The following GLP2R variants were observed in gnomAD, a reference collection of about 807,000 sequenced individuals.
The protein encoded by GLP2R is glucagon like peptide 2 receptor, also known as glucagon-like peptide 2 receptor.
Under a neutral mutation model 68.2 loss-of-function variants are expected in GLP2R, and 59 were observed. That is an observed-to-expected ratio of 0.87 (90% CI 0.70 to 1.07). GLP2R has a LOEUF of 1.07. GLP2R is among the 50% of genes least tolerant of loss of function. The pLI is 0.00. For missense variants in GLP2R, 548 were observed against 677.4 expected (o/e 0.81, Z 2.12); for synonymous variants, 270 against 265.4 (o/e 1.02, Z -0.17).
At chr17:9,873,860 A>G (rs572320588) in intron 10 of GLP2R, among the ~76,000 whole-genome samples, 1 of 152,278 alleles carries the variant, frequency 6.6e-6, no homozygotes, top group African/African-American at 2.4e-5. Context: ...GAAACCACAG[A>G]GGGAGGACGT....
At chr17:9,857,012 C>T (rs1177381262) in intron 5 of GLP2R, among the ~76,000 whole-genome samples, 1 of 152,046 alleles carries the variant, frequency 6.6e-6, no homozygotes, top group Non-Finnish European at 1.5e-5. Flanking sequence ...ACCTCCGACT[C>T]CCTGGTTCAA....
rs1183456548 is a variant in GLP2R at position 9,891,854 on chromosome 17, T to C, written c.*2149T>C. On this transcript the variant is annotated 3_prime_UTR_variant, in exon 13 of 13. Transcript: ENST00000262441. ...GGGGTCATCTCGTATTCCCAGCAAG[T>C]ACCCAGCACAGTGCCGGTTCAGAGC... The C allele has an allele frequency of 6.6e-6, 1 of 152,152 alleles. No individual in the cohort carries two copies. The highest frequency in any genetic ancestry group is 1.5e-5 in the Non-Finnish European group (1 of 68,030). 9.4% of individuals were successfully genotyped at this position (152,152 alleles called of 1,614,324 possible). A position where few individuals can be genotyped will look rare whatever the true frequency, so the allele number is the denominator to read the frequency against.
rs1567727732 is a variant in GLP2R, at chr17:9,857,887, G to A, written c.765+311G>A. ...CAATTATAGCTGGCCCTCTGTATCC[G>A]TGAGTTCTGCATTCATGAATTTAAC... On this transcript the variant is annotated intron_variant, in intron 6 of 12. Transcript: ENST00000262441. Among the ~76,000 whole-genome samples the A allele has an allele frequency of 3.9e-5, 6 of 152,326 alleles. No individual in the cohort carries two copies. The South Asian group carries it at 1.2e-3, about 32-fold the overall frequency.
At chr17:9,859,522 G>A (rs1466432087) in intron 6 of GLP2R, among the ~76,000 whole-genome samples, 1 of 151,902 alleles carries the variant, frequency 6.6e-6, no homozygotes, top group Non-Finnish European at 1.5e-5. Flanking sequence ...GCCGGGCACG[G>A]TGGCTAACAC....
In GLP2R at chr17:9,833,271, AAAAG is replaced by A. The variant is rs534704361; in HGVS notation, c.190-516_190-513del. On this transcript the variant is annotated intron_variant, in intron 1 of 12. Transcript: ENST00000262441. ...GATTAAGACTCTGTCTTAAAAAAAA[AAAAG>A]AAAGAAAGAAAGAAAGAAAAGATCC... is the stretch of plus-strand genomic sequence containing the variant. 3.6e-3 allele frequency among the ~76,000 whole-genome samples: 543 copies of A among 151,886 alleles called. 2 individuals are homozygous for A. The highest frequency in any genetic ancestry group is 0.012 in the African/African-American group (502 of 41,458).
intron 9 of GLP2R, among the ~76,000 whole-genome samples, chr17:9,870,395 G>A (rs545781044): frequency 1.3e-5 from 2 of 152,222 alleles, no homozygotes; most frequent in Non-Finnish European, 2.9e-5. Flanking sequence ...AACAATAATA[G>A]TAATAATAAT....
At chr17:9,859,209 T>C (rs2066961673) in intron 6 of GLP2R, among the ~76,000 whole-genome samples, 1 of 152,236 alleles carries the variant, frequency 6.6e-6, no homozygotes, top group African/African-American at 2.4e-5. Context: ...TTCAATTTTT[T>C]CTTTGATCCA....
Position 9,857,450 on chromosome 17 carries a change from C to A in GLP2R, c.639C>A (p.Ile213=), listed in dbSNP as rs1442054833. 2 of 1,614,176 alleles carry A rather than the reference C, an allele frequency of 1.2e-6. No homozygotes were observed. Among genetic ancestry groups the A allele is most frequent in the South Asian group, 1.1e-5 (1 of 91,080 alleles). ...LRKLHCTRNY[I]HMNLFASFIL... is the part of the protein sequence containing the mutation. ...AACTCCACTGCACGCGCAACTACAT[C>A]CACATGAACTTGTTTGCTTCTTTCA... Residue 213 remains isoleucine (I), a synonymous_variant, in exon 6 of 13, where the codon ATC becomes ATA. Transcript: ENST00000262441.
At chr17:9,852,178 C>T (rs1249094827) in intron 4 of GLP2R, among the ~76,000 whole-genome samples, 1 of 151,824 alleles carries the variant, frequency 6.6e-6, no homozygotes, top group Non-Finnish European at 1.5e-5. Flanking sequence ...AGGTTTTAAG[C>T]CCCACATGCA....
chr17:9,864,514 GTTTTGTT>G (rs1226339840), intron 9 of GLP2R, among the ~76,000 whole-genome samples: 2 of 144,342 alleles, frequency 1.4e-5, no homozygotes, highest in African/African-American at 2.6e-5. Context: ...TTGTTTGTTT[GTTTTGTT>G]TTTTGTTTTT....
At chr17:9,828,599 G>A (rs1268757892) in intron 1 of GLP2R, among the ~76,000 whole-genome samples, 1 of 152,112 alleles carries the variant, frequency 6.6e-6, no homozygotes, top group Non-Finnish European at 1.5e-5. Context: ...TTTACAGATG[G>A]GCAAATTAAG....
intron 10 of GLP2R, among the ~76,000 whole-genome samples, chr17:9,876,723 G>C (rs955098231): frequency 6.6e-6 from 1 of 152,184 alleles, no homozygotes; most frequent in Non-Finnish European, 1.5e-5. Context: ...AAAATACTCA[G>C]TATGTCAAGG....
intron 9 of GLP2R, among the ~76,000 whole-genome samples, chr17:9,869,399 C>A (rs370587138): frequency 6.6e-6 from 1 of 152,328 alleles, no homozygotes; most frequent in Non-Finnish European, 1.5e-5. Context: ...CCTGCAGAAA[C>A]GGACCCCCCT....
chr17:9,861,871 C>G, intron 8 of GLP2R, 150 bp from the exon 9 acceptor site: 1 of 664,046 alleles, frequency 1.5e-6, no homozygotes, highest in South Asian at 1.8e-5. Flanking sequence ...TTTGGGTTCT[C>G]TCTTCTGCCT....
chr17:9,858,391 C>T lies in GLP2R; in HGVS notation c.765+815C>T, dbSNP rs555226735. ...TTCTCCTAAGTTGCTGTCTTTAGTT[C>T]GCTAATACTGTGTTTTGTTGAGTAT... On this transcript the variant is annotated intron_variant, in intron 6 of 12. Transcript: ENST00000262441. Among the ~76,000 whole-genome samples, 695 of 152,266 alleles carry T rather than the reference C, an allele frequency of 4.6e-3. 2 individuals are homozygous for T. Among genetic ancestry groups the T allele is most frequent in the Non-Finnish European group, 6.7e-3 (459 of 68,014 alleles).
chr17:9,849,523 G>A (rs911968591), intron 4 of GLP2R, among the ~76,000 whole-genome samples: 1 of 151,142 alleles, frequency 6.6e-6, no homozygotes, highest in Non-Finnish European at 1.5e-5. Context: ...CTTACAGCTG[G>A]ATAGTATTTC....
intron 9 of GLP2R, among the ~76,000 whole-genome samples, chr17:9,870,190 T>C (rs962049891): frequency 3.9e-5 from 6 of 152,180 alleles, no homozygotes; most frequent in Non-Finnish European, 7.3e-5. Context: ...TGACTAGCCA[T>C]GCAACCTGGG....
intron 11 of GLP2R, among the ~76,000 whole-genome samples, chr17:9,882,324 TATC>T (rs2067204534): frequency 6.6e-6 from 1 of 152,198 alleles, no homozygotes; most frequent in Non-Finnish European, 1.5e-5. Context: ...AGCCTGAAGT[TATC>T]ATTCTATCTG....
chr17:9,853,426 T>C (rs1213503789), intron 4 of GLP2R: 1 of 154,228 alleles, frequency 6.5e-6, no homozygotes, highest in Admixed American at 6.5e-5. Context: ...CTTAAGAAGA[T>C]CAATAAATTT....
Sources: allele counts gnomAD v4.1 joint callset (sites outside exome capture counted in the v4.1 genomes callset), GRCh38; gene constraint gnomAD v4.1.1; transcripts MANE v1.5; gene names NCBI Gene and HGNC (gene_info 2026-07-23, HGNC 2026-07-21).